The following TBC1D1 variants were observed in gnomAD, a reference collection of about 807,000 sequenced individuals.
The protein encoded by TBC1D1 is TBC1 domain family member 1.
Under a neutral mutation model 125.6 loss-of-function variants are expected in TBC1D1, and 89 were observed. The ratio of observed to expected loss-of-function variants is 0.71; its 90% CI spans 0.60 to 0.85. The LOEUF (loss-of-function observed/expected upper bound fraction) is 0.85. TBC1D1 is among the 40% of genes least tolerant of loss of function. The probability of loss-of-function intolerance (pLI) is 0.00; values close to 1 mark genes in which losing one functional copy is unlikely to be tolerated. For missense variants in TBC1D1, 1,377 were observed against 1,469.2 expected (o/e 0.94, Z 1.03); for synonymous variants, 565 against 564.1 (o/e 1.00, Z -0.02).
At chr4:38,101,654 C>A (rs968963562) in intron 14 of TBC1D1, among the ~76,000 whole-genome samples, 1 of 152,206 alleles carries the variant, frequency 6.6e-6, no homozygotes, top group Non-Finnish European at 1.5e-5. Context: ...GCTCTTCTTG[C>A]AGCTTATCTT....
intron 13 of TBC1D1, among the ~76,000 whole-genome samples, chr4:38,095,022 A>G (rs1759097531): frequency 6.6e-6 from 1 of 152,178 alleles, no homozygotes; most frequent in South Asian, 2.1e-4. Context: ...TGTGGGGGTC[A>G]TTTAATTGCT....
chr4:37,955,550 A>G (rs757590242), intron 2 of TBC1D1, among the ~76,000 whole-genome samples: 19 of 152,242 alleles, frequency 1.2e-4, no homozygotes, highest in Non-Finnish European at 2.6e-4. Context: ...GGGAATAGTT[A>G]TAAGAAAAAA....
At chr4:37,971,705 T>A (rs2152345907) in intron 2 of TBC1D1, among the ~76,000 whole-genome samples, 1 of 152,270 alleles carries the variant, frequency 6.6e-6, no homozygotes, top group Admixed American at 6.5e-5. Flanking sequence ...AAGTAAAGGA[T>A]CTAAAACTGT....
chr4:37,956,952 A>AC (rs1729061346), intron 2 of TBC1D1, among the ~76,000 whole-genome samples: 1 of 152,092 alleles, frequency 6.6e-6, no homozygotes, highest in Non-Finnish European at 1.5e-5. Context: ...AGAAAAAAAA[A>AC]AAAAAGAAGG....
At chr4:38,108,324 C>T (rs568770462) in intron 15 of TBC1D1, among the ~76,000 whole-genome samples, 1 of 152,366 alleles carries the variant, frequency 6.6e-6, no homozygotes, top group African/African-American at 2.4e-5. Flanking sequence ...GTGAGGCGTG[C>T]AGCCTCTCCC....
intron 14 of TBC1D1, among the ~76,000 whole-genome samples, chr4:38,102,507 T>C (rs1041806327): frequency 4.0e-5 from 6 of 150,806 alleles, no homozygotes; most frequent in Non-Finnish European, 7.4e-5. Flanking sequence ...GAGGGGAGAA[T>C]AGGGGGTGGA....
chr4:37,930,450 G>C (rs906552846), intron 2 of TBC1D1, among the ~76,000 whole-genome samples: 1 of 151,878 alleles, frequency 6.6e-6, no homozygotes, highest in African/African-American at 2.4e-5. Flanking sequence ...GCCTCCCAAA[G>C]TGTTGGGATT....
chr4:38,043,590 C>A (rs1243077945), intron 8 of TBC1D1, among the ~76,000 whole-genome samples: 23 of 142,728 alleles, frequency 1.6e-4, no homozygotes, highest in African/African-American at 2.1e-4. Flanking sequence ...CACCCTGTCT[C>A]AAAAAAAAAA....
At chr4:37,929,941 A>G (rs1050960147) in intron 2 of TBC1D1, among the ~76,000 whole-genome samples, 10 of 152,178 alleles carry the variant, frequency 6.6e-5, no homozygotes, top group African/African-American at 9.7e-5. Context: ...AAAAATAACT[A>G]TGGCCACACT....
chr4:38,124,939 T>G (rs1578835798), intron 17 of TBC1D1, 23 bp from the exon 20 acceptor site: 2 of 1,610,806 alleles, frequency 1.2e-6, no homozygotes, highest in African/African-American at 2.7e-5. Context: ...GGTTTAACTT[T>G]CTGCATTTCT....
Position 37,902,526 on chromosome 4 carries a change from A to G in TBC1D1, c.417+14A>G. 6.4e-7 allele frequency: 1 copy of G among 1,572,740 alleles called. No homozygotes were observed. The highest frequency in any genetic ancestry group is 1.8e-5 in the Admixed American group (1 of 55,934). ...GATCAAACAAAAGTAAGTGAGATGG[A>G]GATCCAAAAGACTAAGGTGTGGCTG... On this transcript the variant is annotated intron_variant, in intron 2 of 19. Coordinates refer to ENST00000261439, the MANE Select transcript of TBC1D1 (RefSeq NM_015173.4).
intron 2 of TBC1D1, chr4:37,996,156 T>C (rs1303450640): frequency 4.8e-6 from 2 of 418,060 alleles, no homozygotes; most frequent in Admixed American, 2.6e-5. Flanking sequence ...TGAAGACATG[T>C]ACCTGGGTGT....
intron 15 of TBC1D1, among the ~76,000 whole-genome samples, chr4:38,106,080 T>C (rs547133499): frequency 1.3e-5 from 2 of 152,330 alleles, no homozygotes; most frequent in East Asian, 3.9e-4. Context: ...CCTTATAGGA[T>C]ACAGCCCTCT....
chr4:37,976,409 T>C (rs989823842), intron 2 of TBC1D1, among the ~76,000 whole-genome samples: 54 of 152,244 alleles, frequency 3.5e-4, no homozygotes, highest in African/African-American at 1.3e-3. Flanking sequence ...TTTAAGCTTC[T>C]CAGTTTTGGG....
intron 15 of TBC1D1, among the ~76,000 whole-genome samples, chr4:38,104,468 G>A (rs1011881501): frequency 1.3e-5 from 2 of 152,238 alleles, no homozygotes; most frequent in Admixed American, 1.3e-4. Flanking sequence ...CCAAGCTGCT[G>A]TCTCTACTGG....
intron 8 of TBC1D1, among the ~76,000 whole-genome samples, chr4:38,039,944 ATCTCTGTTTTT>A: frequency 6.8e-6 from 1 of 147,164 alleles, no homozygotes; most frequent in Non-Finnish European, 1.5e-5. Context: ...CGAGACCCCC[ATCTCTGTTTTT>A]TTTTTTTAAA....
At chr4:37,955,281 G>A (rs1728711525) in intron 2 of TBC1D1, among the ~76,000 whole-genome samples, 1 of 152,074 alleles carries the variant, frequency 6.6e-6, no homozygotes, top group South Asian at 2.1e-4. Flanking sequence ...GACTTAATGA[G>A]AGATTCCCAT....
chr4:38,011,279 G>GA (rs1216871822), intron 2 of TBC1D1, among the ~76,000 whole-genome samples: 2 of 151,614 alleles, frequency 1.3e-5, no homozygotes, highest in Non-Finnish European at 2.9e-5. Flanking sequence ...CTTGAACCTG[G>GA]GGGGCAGAGG....
At chr4:38,073,871 A>G (rs540999338) in intron 12 of TBC1D1, among the ~76,000 whole-genome samples, 3 of 152,306 alleles carry the variant, frequency 2.0e-5, no homozygotes, top group East Asian at 3.9e-4. Context: ...TCCTCCATGA[A>G]TGGCAGCCAT....
Sources: allele counts gnomAD v4.1 joint callset (sites outside exome capture counted in the v4.1 genomes callset), GRCh38; gene constraint gnomAD v4.1.1; transcripts MANE v1.5; gene names NCBI Gene and HGNC (gene_info 2026-07-23, HGNC 2026-07-21).